SGCD: variants seen among roughly 807,000 people sequenced by gnomAD.
The protein encoded by SGCD is delta-sarcoglycan.
SGCD carries 18 observed loss-of-function variants against 36.6 expected under a neutral mutation model. That is an observed-to-expected ratio of 0.49 (90% CI 0.34 to 0.73). The LOEUF (loss-of-function observed/expected upper bound fraction) is 0.73. Ranked by LOEUF, SGCD falls within the 30% of genes least tolerant of loss-of-function variation. The pLI is 0.01. For synonymous variants in SGCD, 133 were observed against 130.6 expected, an observed-to-expected ratio of 1.02 and a Z score of -0.12; for missense variants, 387 against 346.7, an observed-to-expected ratio of 1.12 and a Z score of -0.92.
chr5:156,331,987 C>A (rs147578273), intron 2 of SGCD, among the ~76,000 whole-genome samples: 1 of 152,120 alleles, frequency 6.6e-6, no homozygotes, highest in Non-Finnish European at 1.5e-5. Flanking sequence ...TTCCATTCAC[C>A]CTTGCAAGTT....
intron 1 of SGCD, among the ~76,000 whole-genome samples, chr5:156,049,905 C>T (rs559929651): frequency 6.8e-6 from 1 of 146,630 alleles, no homozygotes; most frequent in South Asian, 2.1e-4. Context: ...GGAGCTGTGA[C>T]TGAAGTGCTG....
At chr5:156,472,873 G>A (rs1755032024) in intron 3 of SGCD, among the ~76,000 whole-genome samples, 1 of 152,194 alleles carries the variant, frequency 6.6e-6, no homozygotes, top group Non-Finnish European at 1.5e-5. Context: ...ATGGGATTAA[G>A]AATTGACTAA....
At position 156,072,136 on chromosome 5, in the gene SGCD, A is replaced by G. The variant is rs200796719; in HGVS notation, c.-281-45742A>G. Among the ~76,000 whole-genome samples, 12 of 151,594 alleles carry G rather than the reference A, an allele frequency of 7.9e-5. No homozygotes were observed. In the East Asian group the frequency reaches 1.4e-3, roughly 17 times the overall value. On this transcript the variant is annotated intron_variant, in intron 1 of 9. Transcript: ENST00000517913. ...GAGCATTTAGTCCATTTACATTTAA[A>G]GTTAATATTGTTATGTGTGAATTTG...
At chr5:156,239,767 G>A (rs1208789573) in intron 3 of SGCD, among the ~76,000 whole-genome samples, 1 of 152,146 alleles carries the variant, frequency 6.6e-6, no homozygotes, top group Non-Finnish European at 1.5e-5. Context: ...GCCTGTAAAT[G>A]GGAACAATTG....
At chr5:155,877,249 C>T (rs1344032696) in intron 1 of SGCD, among the ~76,000 whole-genome samples, 1 of 152,020 alleles carries the variant, frequency 6.6e-6, no homozygotes, top group East Asian at 1.9e-4. Context: ...TCCGTAAGCC[C>T]AGGTTTTAAG....
At chr5:155,882,247 T>TA (rs548846687) in intron 1 of SGCD, among the ~76,000 whole-genome samples, 1 of 151,880 alleles carries the variant, frequency 6.6e-6, no homozygotes, top group Non-Finnish European at 1.5e-5. Context: ...GACTTTTTTT[T>TA]AAAAAACTTT....
chr5:156,221,736 T>C (rs1334633512), intron 3 of SGCD, among the ~76,000 whole-genome samples: 1 of 152,110 alleles, frequency 6.6e-6, no homozygotes, highest in Non-Finnish European at 1.5e-5. Context: ...CTGATGATAA[T>C]AGCAGTGCTT....
intron 3 of SGCD, among the ~76,000 whole-genome samples, chr5:156,461,253 T>C (rs2127817495): frequency 6.6e-6 from 1 of 152,288 alleles, no homozygotes. Context: ...TATAAAAGCA[T>C]ATTGTTTTTT....
intron 1 of SGCD, among the ~76,000 whole-genome samples, chr5:156,116,386 T>C (rs1036587312): frequency 6.6e-6 from 1 of 152,146 alleles, no homozygotes; most frequent in African/African-American, 2.4e-5. Flanking sequence ...TGCACTTATT[T>C]TTCTTTAAAT....
intron 1 of SGCD, among the ~76,000 whole-genome samples, chr5:155,942,603 G>A (rs1757351313): frequency 6.6e-6 from 1 of 152,158 alleles, no homozygotes; most frequent in South Asian, 2.1e-4. Context: ...AGAGATTTCA[G>A]TGGCTGCCCA....
At chr5:155,871,024 A>G (rs1755644705) in intron 1 of SGCD, among the ~76,000 whole-genome samples, 1 of 152,124 alleles carries the variant, frequency 6.6e-6, no homozygotes, top group Admixed American at 6.5e-5. Flanking sequence ...TGATGAGTGT[A>G]TCATATGATT....
chr5:156,647,341 A>G (rs1172114200), intron 6 of SGCD, 123 bp from the exon 7 acceptor site: 2 of 592,050 alleles, frequency 3.4e-6, no homozygotes, highest in East Asian at 5.7e-5. Flanking sequence ...GCCAGTGGAA[A>G]AATATGTGGG....
chr5:156,464,368 G>T (rs1357913696), intron 3 of SGCD, among the ~76,000 whole-genome samples: 1 of 151,910 alleles, frequency 6.6e-6, no homozygotes, highest in Non-Finnish European at 1.5e-5. Context: ...TTACAGGCAT[G>T]TACCACCATA....
chr5:156,637,700 G>A (rs1352348098), intron 6 of SGCD, among the ~76,000 whole-genome samples: 2 of 152,156 alleles, frequency 1.3e-5, no homozygotes, highest in Non-Finnish European at 2.9e-5. Flanking sequence ...AGGGGAAAGG[G>A]GGAAATGGTT....
chr5:155,872,154 G>A (rs531185485), intron 1 of SGCD, among the ~76,000 whole-genome samples: 13 of 152,292 alleles, frequency 8.5e-5, no homozygotes, highest in Non-Finnish European at 1.9e-4. Flanking sequence ...TCTTAAGAGA[G>A]AAGAAGAGGA....
chr5:156,438,431 A>G (rs933291990), intron 3 of SGCD, among the ~76,000 whole-genome samples: 11 of 152,162 alleles, frequency 7.2e-5, no homozygotes, highest in Admixed American at 3.3e-4. Context: ...AGTTAAGTCA[A>G]GATGGAAGGA....
chr5:155,884,524 A>G (rs1036239411), intron 1 of SGCD, among the ~76,000 whole-genome samples: 3 of 152,210 alleles, frequency 2.0e-5, no homozygotes, highest in Non-Finnish European at 4.4e-5. Context: ...ATTGTACCAT[A>G]TATGCCTTAT....
intron 1 of SGCD, among the ~76,000 whole-genome samples, chr5:155,882,728 C>A (rs1218041088): frequency 1.3e-5 from 2 of 152,144 alleles, no homozygotes; most frequent in African/African-American, 4.8e-5. Context: ...GATATGCTAT[C>A]ATTTAAGCTT....
At chr5:156,097,543 AT>A (rs1283082623) in intron 1 of SGCD, among the ~76,000 whole-genome samples, 7 of 151,718 alleles carry the variant, frequency 4.6e-5, no homozygotes, top group South Asian at 2.1e-4. Flanking sequence ...TTGTTATAGT[AT>A]TTTTTTGTTC....
Sources: gnomAD v4.1 joint callset for allele counts (sites outside exome capture counted in the v4.1 genomes callset) on GRCh38, gnomAD v4.1.1 for gene constraint, MANE v1.5 for transcripts, NCBI Gene and HGNC (gene_info 2026-07-23, HGNC 2026-07-21) for gene names.